Variants in CEP128 observed in about 807,000 individuals in gnomAD.
CEP128 encodes centrosomal protein 128kDa.
A neutral mutation model predicts 156.7 loss-of-function variants in CEP128; 132 were observed. The observed-to-expected ratio is 0.84, with a 90% confidence interval of 0.73 to 0.97. The LOEUF (loss-of-function observed/expected upper bound fraction) is 0.97. CEP128 is among the 50% of genes least tolerant of loss of function. CEP128 has a pLI of 0.00. For missense variants in CEP128, 1,252 were observed against 1,281.9 expected, an observed-to-expected ratio of 0.98 and a Z score of 0.36; for synonymous variants, 469 against 448.9, an observed-to-expected ratio of 1.04 and a Z score of -0.57.
chr14:80,840,801 A>G, intron 9 of CEP128, 33 bp from the exon 10 acceptor site: 1 of 1,320,530 alleles, frequency 7.6e-7, no homozygotes, highest in Admixed American at 1.7e-5. Context: ...AAATTATCCC[A>G]AAATATGTAC....
At chr14:80,905,607 C>A in intron 5 of CEP128, 1 of 191,844 alleles carries the variant, frequency 5.2e-6, no homozygotes, top group Non-Finnish European at 1.1e-5. Context: ...TTTCATAAAA[C>A]ATGTGAAAAT....
intron 19 of CEP128, among the ~76,000 whole-genome samples, chr14:80,634,233 A>G (rs947868886): frequency 2.0e-5 from 3 of 152,222 alleles, no homozygotes; most frequent in Non-Finnish European, 4.4e-5. Context: ...AGAAACAAAG[A>G]TTCTTGCTGG....
intron 14 of CEP128, among the ~76,000 whole-genome samples, chr14:80,789,006 G>A (rs1901566190): frequency 6.6e-6 from 1 of 152,114 alleles, no homozygotes; most frequent in African/African-American, 2.4e-5. Flanking sequence ...ATAGGGGGAG[G>A]CAGGAGGTAA....
intron 19 of CEP128, among the ~76,000 whole-genome samples, chr14:80,688,758 C>A (rs900038799): frequency 3.9e-5 from 6 of 152,182 alleles, no homozygotes; most frequent in Admixed American, 6.5e-5. Flanking sequence ...TGAGAGGAAT[C>A]TTTGCTTGCC....
intron 13 of CEP128, chr14:80,822,778 T>TGCTG: frequency 1.3e-6 from 1 of 759,852 alleles, no homozygotes; most frequent in Non-Finnish European, 2.4e-6. Context: ...AAACTGAAGG[T>TGCTG]GCTGGAGACG....
At chr14:80,579,691 C>T (rs1436459395) in intron 20 of CEP128, among the ~76,000 whole-genome samples, 1 of 152,180 alleles carries the variant, frequency 6.6e-6, no homozygotes, top group Non-Finnish European at 1.5e-5. Context: ...TAGTCCCCAA[C>T]CTGACATTAA....
At chr14:80,611,252 A>G (rs1892982521) in intron 19 of CEP128, among the ~76,000 whole-genome samples, 1 of 151,934 alleles carries the variant, frequency 6.6e-6, no homozygotes, top group Non-Finnish European at 1.5e-5. Flanking sequence ...CTAAAGAGAA[A>G]ATATTAAGAA....
intron 19 of CEP128, among the ~76,000 whole-genome samples, chr14:80,598,129 G>A (rs966049949): frequency 2.6e-5 from 4 of 151,710 alleles, no homozygotes; most frequent in Non-Finnish European, 2.9e-5. Flanking sequence ...AAGGCATAGA[G>A]ATTGGAAGCA....
intron 2 of CEP128, among the ~76,000 whole-genome samples, chr14:80,947,929 G>A (rs1182487828): frequency 1.3e-5 from 2 of 152,224 alleles, no homozygotes; most frequent in Non-Finnish European, 2.9e-5. Flanking sequence ...CTTGGTGACT[G>A]TCCAGCACAA....
Position 80,761,502 on chromosome 14 carries a change from C to T in CEP128, c.2488G>A (p.Val830Met), listed in dbSNP as rs1899966448. 1.9e-6 allele frequency: 3 copies of T among 1,612,552 alleles called. No individual in the cohort carries two copies. Among genetic ancestry groups the T allele is most frequent in the Non-Finnish European group, 2.5e-6 (3 of 1,178,960 alleles). Residue 830 changes from valine to methionine, a missense_variant, in exon 17 of 25, where the codon GTG becomes ATG. By Grantham distance (21) the Val-to-Met change is conservative. Transcript: ENST00000555265. ...LETEQESILG[V>M]IGKEIDAACK... ...GCTGCATCAATTTCCTTTCCTATCA[C>T]ACCAAGAATGGATTCCTGTTCAGTC...
intron 2 of CEP128, among the ~76,000 whole-genome samples, chr14:80,947,505 TTTA>T (rs1406357058): frequency 1.9e-4 from 29 of 152,034 alleles, no homozygotes; most frequent in Non-Finnish European, 1.5e-5. Context: ...TTTTGCAAAA[TTTA>T]TTAAGATGTC....
At chr14:80,753,478 CT>C (rs1457722916) in intron 18 of CEP128, among the ~76,000 whole-genome samples, 1 of 152,202 alleles carries the variant, frequency 6.6e-6, no homozygotes, top group Non-Finnish European at 1.5e-5. Flanking sequence ...CTAATATTAG[CT>C]TTTCTTTATT....
intron 19 of CEP128, among the ~76,000 whole-genome samples, chr14:80,699,440 T>C (rs8018693): frequency 0.38 from 57,434 of 152,124 alleles, 12,752 homozygotes; most frequent in Non-Finnish European, 0.5. Context: ...GAGTTTCTTT[T>C]TGACTCTCCC....
chr14:80,768,283 C>T (rs1354663432), intron 16 of CEP128, among the ~76,000 whole-genome samples: 1 of 152,130 alleles, frequency 6.6e-6, no homozygotes, highest in African/African-American at 2.4e-5. Flanking sequence ...AAGACGATAT[C>T]ACAATAGTGA....
chr14:80,711,224 T>C (rs1404839930), intron 19 of CEP128, among the ~76,000 whole-genome samples: 2 of 152,014 alleles, frequency 1.3e-5, no homozygotes, highest in Non-Finnish European at 2.9e-5. Context: ...TTACTTGCCC[T>C]TTTTCTTCCC....
intron 19 of CEP128, among the ~76,000 whole-genome samples, chr14:80,622,129 G>C (rs146789221): frequency 5.9e-5 from 9 of 152,320 alleles, no homozygotes; most frequent in African/African-American, 2.2e-4. Flanking sequence ...ACAGATGTGG[G>C]ATAGGCTTTC....
chr14:80,624,289 GT>G (rs769745095), intron 19 of CEP128, among the ~76,000 whole-genome samples: 3 of 152,026 alleles, frequency 2.0e-5, no homozygotes, highest in Non-Finnish European at 4.4e-5. Flanking sequence ...TTATCCCATT[GT>G]GCATATATAA....
chr14:80,840,933 T>C (rs1886322871), intron 9 of CEP128, among the ~76,000 whole-genome samples, 165 bp from the exon 10 acceptor site: 1 of 152,126 alleles, frequency 6.6e-6, no homozygotes. Context: ...GGATAAAATA[T>C]AAACAATTCC....
chr14:80,539,719 T>C (rs962930651), intron 21 of CEP128, among the ~76,000 whole-genome samples: 9 of 152,002 alleles, frequency 5.9e-5, no homozygotes, highest in Non-Finnish European at 1.3e-4. Flanking sequence ...AAAACAGCCA[T>C]ATTTTTCTTC....
Sources: gnomAD v4.1 joint callset for allele counts (sites outside exome capture counted in the v4.1 genomes callset) on GRCh38, gnomAD v4.1.1 for gene constraint, MANE v1.5 for transcripts, NCBI Gene and HGNC (gene_info 2026-07-23, HGNC 2026-07-21) for gene names.